Variants in POLR1D observed in about 807,000 individuals in gnomAD.
POLR1D encodes the protein RNA polymerase I and III subunit D.
POLR1D carries 8 observed loss-of-function variants against 10.8 expected under a neutral mutation model. That is an observed-to-expected ratio of 0.74 (90% CI 0.43 to 1.33). The LOEUF (loss-of-function observed/expected upper bound fraction) is 1.33. Ranked by LOEUF, POLR1D falls within the 40% of genes most tolerant of loss-of-function variation. The probability of loss-of-function intolerance (pLI) is 0.01; values close to 1 mark genes in which losing one functional copy is unlikely to be tolerated. For synonymous variants in POLR1D, 54 were observed against 57.2 expected (o/e 0.94, Z 0.25); for missense variants, 152 against 161.7 (o/e 0.94, Z 0.32).
chr13:27,636,737 CTATCTCTCAGAATT>C (rs1956127712), intron 1 of POLR1D, among the ~76,000 whole-genome samples: 1 of 152,116 alleles, frequency 6.6e-6, no homozygotes, highest in South Asian at 2.1e-4. Flanking sequence ...TCAGCATGAT[CTATCTCTCAGAATT>C]TTCCCCTGCG....
chr13:27,640,900 T>C (rs1189905722), intron 1 of POLR1D, among the ~76,000 whole-genome samples: 1 of 152,152 alleles, frequency 6.6e-6, no homozygotes, highest in African/African-American at 2.4e-5. Flanking sequence ...CTTTAAATCA[T>C]GTCTAGATTG....
intron 2 of POLR1D, among the ~76,000 whole-genome samples, chr13:27,662,929 G>A (rs898578330): frequency 5.3e-5 from 8 of 152,092 alleles, no homozygotes; most frequent in African/African-American, 1.9e-4. Flanking sequence ...TACATAACAT[G>A]CCCAAAGTCC....
intron 1 of POLR1D, among the ~76,000 whole-genome samples, chr13:27,632,823 G>A (rs568308552): frequency 1.3e-5 from 2 of 152,214 alleles, no homozygotes; most frequent in East Asian, 3.9e-4. Context: ...AATGTTCACT[G>A]ATGTATCCAC....
chr13:27,634,245 A>G (rs1956100662), intron 1 of POLR1D, among the ~76,000 whole-genome samples: 1 of 152,208 alleles, frequency 6.6e-6, no homozygotes, highest in African/African-American at 2.4e-5. Flanking sequence ...CTAGGGGTTT[A>G]TGATTAGGAA....
downstream of POLR1D, among the ~76,000 whole-genome samples, chr13:27,627,623 A>G (rs1392054960): frequency 1.3e-5 from 2 of 152,142 alleles, no homozygotes; most frequent in African/African-American, 4.8e-5. Flanking sequence ...GATGGCAAAT[A>G]AGAATTGGCG....
At chr13:27,641,994 G>C (rs1157745403) in intron 1 of POLR1D, among the ~76,000 whole-genome samples, 1 of 152,176 alleles carries the variant, frequency 6.6e-6, no homozygotes, top group African/African-American at 2.4e-5. Flanking sequence ...AGACAGGCCA[G>C]TGGCCCCACT....
At chr13:27,657,248 A>G (rs1450801948) in intron 2 of POLR1D, among the ~76,000 whole-genome samples, 1 of 152,198 alleles carries the variant, frequency 6.6e-6, no homozygotes, top group African/African-American at 2.4e-5. Flanking sequence ...ACAGATCTCC[A>G]GCCAGGCGCT....
chr13:27,627,558 A>G (rs1956026357), downstream of POLR1D, among the ~76,000 whole-genome samples: 1 of 152,094 alleles, frequency 6.6e-6, no homozygotes. Context: ...GATGGGTGAA[A>G]GGCACTGCTG....
At chr13:27,650,143 C>A (rs1566150033) in intron 2 of POLR1D, 1 of 397,844 alleles carries the variant, frequency 2.5e-6, no homozygotes, top group Admixed American at 4.4e-5. Context: ...TGCTACCCTC[C>A]CAGCATCAGT....
rs754908359 is a variant in POLR1D, at chr13:27,622,835, AT to A, written c.27-38del. 9 of 1,335,004 alleles carry A rather than the reference AT, an allele frequency of 6.7e-6. No individual in the cohort carries two copies. The African/African-American group carries it at 1.2e-4, about 17-fold the overall frequency. 82.7% of individuals were successfully genotyped at this position (1,335,004 alleles called of 1,614,324 possible). A position where few individuals can be genotyped will look rare whatever the true frequency, so the allele number is the denominator to read the frequency against. On this transcript the variant is annotated intron_variant, in intron 1 of 1. Transcript: ENST00000302979. ...GAGAAAAAGCTAGTTACAAAACAAT[AT>A]TCAGTATGATCTCATTTTTATAAAA...
downstream of POLR1D, among the ~76,000 whole-genome samples, chr13:27,625,286 T>C (rs541243042): frequency 1.3e-5 from 2 of 152,156 alleles, no homozygotes; most frequent in Admixed American, 6.5e-5. Flanking sequence ...AGATGAATTA[T>C]AGGGAGGCTG....
At chr13:27,631,450 A>G (rs1344934784) in intron 1 of POLR1D, among the ~76,000 whole-genome samples, 2 of 152,144 alleles carry the variant, frequency 1.3e-5, no homozygotes, top group South Asian at 2.1e-4. Context: ...AGTCCAGCCC[A>G]CACTTGAGAG....
chr13:27,652,129 A>G (rs1002623698), intron 2 of POLR1D, among the ~76,000 whole-genome samples: 1 of 152,244 alleles, frequency 6.6e-6, no homozygotes, highest in African/African-American at 2.4e-5. Context: ...GACTCAGCAT[A>G]GAGTTAAAAT....
chr13:27,633,322 C>T (rs937695253), intron 1 of POLR1D, among the ~76,000 whole-genome samples: 7 of 152,292 alleles, frequency 4.6e-5, no homozygotes, highest in East Asian at 1.9e-4. Flanking sequence ...AACTGACCCC[C>T]GCCAAGGCCG....
At chr13:27,621,786 C>CG, upstream of POLR1D, 1 of 437,230 alleles carries the variant, frequency 2.3e-6, no homozygotes, top group Non-Finnish European at 4.0e-6. Context: ...CGCGTCGGGG[C>CG]GGGGGCTGGG....
intron 1 of POLR1D, among the ~76,000 whole-genome samples, chr13:27,641,664 T>C (rs1249156604): frequency 1.3e-5 from 2 of 152,216 alleles, no homozygotes; most frequent in Non-Finnish European, 2.9e-5. Flanking sequence ...TTTGGAAATA[T>C]TGTATGGGGA....
chr13:27,636,006 A>G (rs550669881), intron 1 of POLR1D, among the ~76,000 whole-genome samples: 5 of 152,288 alleles, frequency 3.3e-5, no homozygotes, highest in Admixed American at 1.3e-4. Context: ...TAGGGACTAT[A>G]TAAAGATAGA....
At chr13:27,625,355 A>G (rs1353886062), downstream of POLR1D, among the ~76,000 whole-genome samples, 1 of 152,174 alleles carries the variant, frequency 6.6e-6, no homozygotes, top group African/African-American at 2.4e-5. Context: ...GGTAGAAGCT[A>G]GTGATGGAGA....
Position 27,640,604 on chromosome 13 carries a change from C to G in POLR1D, c.27-7775C>G, listed in dbSNP as rs139013544. 7.4e-3 allele frequency among the ~76,000 whole-genome samples: 1,124 copies of G among 152,242 alleles called. 16 individuals carry two copies. Among genetic ancestry groups the G allele is most frequent in the African/African-American group, 0.026 (1,064 of 41,524 alleles). On this transcript the variant is annotated intron_variant, in intron 1 of 2. Coordinates refer to the POLR1D transcript ENST00000399697. Reference sequence around the variant, plus strand: ...TGATTTAATACCGTACTTGAAACAGCTGCACCTGGAAACTGAGTAACATTT... The same window carrying G: ...TGATTTAATACCGTACTTGAAACAGGTGCACCTGGAAACTGAGTAACATTT...
Sources: gnomAD v4.1 joint callset for allele counts (sites outside exome capture counted in the v4.1 genomes callset) on GRCh38, gnomAD v4.1.1 for gene constraint, MANE v1.5 for transcripts, NCBI Gene and HGNC (gene_info 2026-07-23, HGNC 2026-07-21) for gene names.